The following CLASP1 variants were observed in gnomAD, a reference collection of about 807,000 sequenced individuals.
CLASP1 encodes the protein CLIP-associating protein 1.
A neutral mutation model predicts 192.3 loss-of-function variants in CLASP1; 38 were observed. That is an observed-to-expected ratio of 0.20 (90% CI 0.15 to 0.26). CLASP1 has a LOEUF of 0.26. Ranked by LOEUF, CLASP1 falls within the 10% of genes least tolerant of loss-of-function variation. The pLI is 1.00. For missense variants in CLASP1, 1,433 were observed against 1,932.5 expected, an observed-to-expected ratio of 0.74 and a Z score of 4.85; for synonymous variants, 691 against 712.8, an observed-to-expected ratio of 0.97 and a Z score of 0.49.
At chr2:121,521,009 T>C (rs1017108204) in intron 6 of CLASP1, among the ~76,000 whole-genome samples, 1 of 152,152 alleles carries the variant, frequency 6.6e-6, no homozygotes, top group African/African-American at 2.4e-5. Context: ...CTAGAAAACA[T>C]TTCTCTGCTC....
chr2:121,458,660 A>G lies in CLASP1; in HGVS notation c.1314+180T>C, dbSNP rs949299340. 5.3e-5 allele frequency among the ~76,000 whole-genome samples: 8 copies of G among 152,328 alleles called. 1 individual carries two copies. The highest frequency in any genetic ancestry group is 4.6e-4 in the Admixed American group (7 of 15,304). On this transcript the variant is annotated intron_variant, in intron 13 of 39. Transcript: ENST00000263710. ...CCATAATTCACATTATGGATTATAA[A>G]AAGCTCACATGCCACAATTAAGTAG... is the stretch of plus-strand genomic sequence containing the variant.
intron 2 of CLASP1, among the ~76,000 whole-genome samples, chr2:121,554,571 A>G (rs933189953): frequency 5.3e-5 from 8 of 152,038 alleles, no homozygotes; most frequent in African/African-American, 1.7e-4. Context: ...TCGTGGCTGC[A>G]GTGAGCTGAG....
At chr2:121,369,053 T>C (rs1441676328) in intron 34 of CLASP1, among the ~76,000 whole-genome samples, 1 of 152,260 alleles carries the variant, frequency 6.6e-6, no homozygotes, top group African/African-American at 2.4e-5. Flanking sequence ...GTACCTCAGA[T>C]AAGTGGAACT....
At chr2:121,632,652 T>A (rs2069928295) in intron 1 of CLASP1, among the ~76,000 whole-genome samples, 1 of 152,130 alleles carries the variant, frequency 6.6e-6, no homozygotes, top group African/African-American at 2.4e-5. Flanking sequence ...AACCCAACAC[T>A]TTGAGAGGCC....
Position 121,368,813 on chromosome 2 carries a change from G to A in CLASP1, c.3643-982C>T, listed in dbSNP as rs141923698. On this transcript the variant is annotated intron_variant, in intron 34 of 39. Transcript: ENST00000263710. ...TGCTAATGCATTTACACTTTTTTCC[G>A]GTTTTGGAAAAGTAGATGTAACATA... 4.6e-5 allele frequency among the ~76,000 whole-genome samples: 7 copies of A among 152,042 alleles called. No homozygotes were observed. In the East Asian group the frequency reaches 5.8e-4, roughly 13 times the overall value.
At chr2:121,348,969 G>A (rs944952242) in intron 37 of CLASP1, among the ~76,000 whole-genome samples, 3 of 152,074 alleles carry the variant, frequency 2.0e-5, no homozygotes, top group African/African-American at 4.8e-5. Flanking sequence ...GGCCGGGCGC[G>A]GTGGCTCACA....
intron 2 of CLASP1, among the ~76,000 whole-genome samples, chr2:121,557,382 G>A (rs181151956): frequency 4.6e-5 from 7 of 152,102 alleles, no homozygotes; most frequent in African/African-American, 7.2e-5. Flanking sequence ...TCAGGAGTTC[G>A]AGACCAGCCT....
chr2:121,623,121 T>C (rs1419664843), intron 1 of CLASP1, among the ~76,000 whole-genome samples: 1 of 152,124 alleles, frequency 6.6e-6, no homozygotes, highest in Non-Finnish European at 1.5e-5. Flanking sequence ...TTGTTCCTAA[T>C]CTTAGGACAG....
At chr2:121,443,038 G>C (rs1239201877) in intron 19 of CLASP1, among the ~76,000 whole-genome samples, 1 of 152,144 alleles carries the variant, frequency 6.6e-6, no homozygotes, top group Non-Finnish European at 1.5e-5. Context: ...TGGCAACCCA[G>C]AAGAGTTCAA....
intron 2 of CLASP1, among the ~76,000 whole-genome samples, chr2:121,592,471 A>G (rs1364654071): frequency 6.6e-6 from 1 of 152,226 alleles, no homozygotes; most frequent in Admixed American, 6.5e-5. Flanking sequence ...CCTTTTTGTG[A>G]TAACTATCAA....
Position 121,589,648 on chromosome 2 carries a change from A to C in CLASP1, c.195+16053T>G, listed in dbSNP as rs1001313783. Reference sequence around the variant, plus strand: ...TCTGTCTCAAAAAAAAAAAAAAAAAACACACTATTATTTAACAGTATTATT... The same window carrying C: ...TCTGTCTCAAAAAAAAAAAAAAAAACCACACTATTATTTAACAGTATTATT... On this transcript the variant is annotated intron_variant, in intron 2 of 39. Transcript: ENST00000263710. Among the ~76,000 whole-genome samples the C allele has an allele frequency of 1.4e-4, 21 of 151,676 alleles. No individual in the cohort carries two copies. The East Asian group carries it at 2.3e-3, about 17-fold the overall frequency.
At chr2:121,491,176 G>C (rs2093286254) in intron 8 of CLASP1, among the ~76,000 whole-genome samples, 2 of 152,154 alleles carry the variant, frequency 1.3e-5, no homozygotes, top group Admixed American at 1.3e-4. Flanking sequence ...AAAGCAAAAT[G>C]CATTTGGCAA....
chr2:121,496,995 T>A (rs2093560916), intron 8 of CLASP1, among the ~76,000 whole-genome samples: 1 of 152,040 alleles, frequency 6.6e-6, no homozygotes, highest in South Asian at 2.1e-4. Context: ...CATCACACAT[T>A]CTCACTCATA....
chr2:121,493,081 T>C (rs929614532), intron 8 of CLASP1, among the ~76,000 whole-genome samples: 1 of 152,198 alleles, frequency 6.6e-6, no homozygotes, highest in African/African-American at 2.4e-5. Context: ...CAAAGCAATC[T>C]ATAGATCCAA....
intron 14 of CLASP1, among the ~76,000 whole-genome samples, chr2:121,453,334 A>G (rs2085936513): frequency 6.6e-6 from 1 of 152,080 alleles, no homozygotes; most frequent in African/African-American, 2.4e-5. Flanking sequence ...CTGACCCTTT[A>G]CCCCATGCTA....
chr2:121,377,827 ATCT>A (rs2070619015), intron 33 of CLASP1, among the ~76,000 whole-genome samples, 178 bp from the exon 35 acceptor site: 1 of 152,178 alleles, frequency 6.6e-6, no homozygotes, highest in Admixed American at 6.5e-5. Context: ...ACAATTACAC[ATCT>A]TCTTTGTTAA....
At chr2:121,404,460 T>A (rs1179655904) in intron 25 of CLASP1, 26 bp from the exon 27 acceptor site, 1 of 1,580,010 alleles carries the variant, frequency 6.3e-7, no homozygotes. Flanking sequence ...CAGAAATCAA[T>A]GAATTTACTA....
At chr2:121,432,505 T>C (rs2081606379) in intron 19 of CLASP1, among the ~76,000 whole-genome samples, 1 of 152,210 alleles carries the variant, frequency 6.6e-6, no homozygotes, top group African/African-American at 2.4e-5. Flanking sequence ...GTCTTCCATA[T>C]GTATGTGCAG....
rs549776573 is a variant in CLASP1, at chr2:121,385,118, A to G, written c.3374+2004T>C. On this transcript the variant is annotated intron_variant, in intron 32 of 39. Coordinates refer to ENST00000263710, the Ensembl canonical transcript of CLASP1. ...AACCTAGTCAATTCTATTTAGTGCA[A>G]TAATTCATTTCTTTTATCATTTTCC... Among the ~76,000 whole-genome samples, 83 of 152,340 alleles carry G rather than the reference A, an allele frequency of 5.4e-4. No individual in the cohort carries two copies. The South Asian group carries it at 0.016, about 30-fold the overall frequency.
Sources: gnomAD v4.1 joint callset for allele counts (sites outside exome capture counted in the v4.1 genomes callset) on GRCh38, gnomAD v4.1.1 for gene constraint, MANE v1.5 for transcripts, NCBI Gene and HGNC (gene_info 2026-07-23, HGNC 2026-07-21) for gene names.